The following STIM1 variants were observed in gnomAD, a reference collection of about 807,000 sequenced individuals.
STIM1 encodes the protein stromal interaction molecule 1.
In STIM1, 25 loss-of-function variants were observed where a neutral mutation model predicts 74.7. The ratio of observed to expected loss-of-function variants is 0.33; its 90% CI spans 0.24 to 0.47. The LOEUF is 0.47. Ranked by LOEUF, STIM1 falls within the 20% of genes least tolerant of loss-of-function variation. STIM1 has a pLI of 1.00. For missense variants in STIM1, 728 were observed against 920.8 expected, an observed-to-expected ratio of 0.79 and a Z score of 2.71; for synonymous variants, 328 against 348.8, an observed-to-expected ratio of 0.94 and a Z score of 0.66.
At chr11:3,899,424 A>C (rs1220141409) in intron 1 of STIM1, among the ~76,000 whole-genome samples, 1 of 152,112 alleles carries the variant, frequency 6.6e-6, no homozygotes, top group Non-Finnish European at 1.5e-5. Context: ...GGGCTGAGAC[A>C]ATGGGGTTTT....
chr11:3,879,864 T>C (rs2091436266), intron 1 of STIM1, among the ~76,000 whole-genome samples: 1 of 152,230 alleles, frequency 6.6e-6, no homozygotes, highest in East Asian at 1.9e-4. Flanking sequence ...AATGGTAAAG[T>C]AGCCCAGATA....
At chr11:3,894,756 T>C (rs1284291410) in intron 1 of STIM1, among the ~76,000 whole-genome samples, 2 of 152,146 alleles carry the variant, frequency 1.3e-5, no homozygotes, top group Admixed American at 6.5e-5. Flanking sequence ...TTCTTTTTTT[T>C]GAGACAGGGT....
intron 1 of STIM1, among the ~76,000 whole-genome samples, chr11:3,924,863 T>C (rs993793630): frequency 6.6e-6 from 1 of 152,188 alleles, no homozygotes; most frequent in Non-Finnish European, 1.5e-5. Flanking sequence ...ATGGAGGATA[T>C]TTCTTCTCTT....
intron 11 of STIM1, among the ~76,000 whole-genome samples, chr11:4,085,434 G>C (rs1301314002): frequency 6.6e-6 from 1 of 152,212 alleles, no homozygotes; most frequent in Non-Finnish European, 1.5e-5. Context: ...TAAGTTACTT[G>C]GTGCCCATGT....
chr11:3,877,523 A>G (rs1168843054), intron 1 of STIM1, among the ~76,000 whole-genome samples: 1 of 152,176 alleles, frequency 6.6e-6, no homozygotes, highest in South Asian at 2.1e-4. Context: ...AAATACCTCA[A>G]TAATTGTTAG....
chr11:3,920,781 C>CT lies in STIM1; in HGVS notation c.140-46760dup, dbSNP rs539182387. ...GGAGAGTAGTGCTACCCTGAAGTAT[C>CT]TTTTTTTTTTTATTTTTTTTAATTT... On this transcript the variant is annotated intron_variant, in intron 1 of 12. Transcript: ENST00000526596. Among the ~76,000 whole-genome samples the CT allele has an allele frequency of 4.7e-3, 694 of 146,872 alleles. 3 individuals carry two copies. The highest frequency in any genetic ancestry group is 0.015 in the African/African-American group (597 of 40,120).
chr11:3,902,064 G>T (rs896814196), intron 1 of STIM1, among the ~76,000 whole-genome samples: 1 of 152,170 alleles, frequency 6.6e-6, no homozygotes, highest in Non-Finnish European at 1.5e-5. Flanking sequence ...CAATGTGGCT[G>T]GCCCCCAACA....
At chr11:4,059,010 G>A (rs1229700806) in intron 4 of STIM1, 53 of 1,085,114 alleles carry the variant, frequency 4.9e-5, no homozygotes, top group Non-Finnish European at 6.3e-5. Flanking sequence ...TTAGTTGGGT[G>A]TGGGAATGGT....
At chr11:3,930,003 G>A (rs2092838033) in intron 1 of STIM1, among the ~76,000 whole-genome samples, 1 of 152,138 alleles carries the variant, frequency 6.6e-6, no homozygotes, top group Non-Finnish European at 1.5e-5. Context: ...TGGAAACAGG[G>A]CAATCTGCCC....
intron 1 of STIM1, among the ~76,000 whole-genome samples, chr11:3,895,352 T>G (rs371967047): frequency 3.9e-5 from 6 of 152,216 alleles, no homozygotes; most frequent in Non-Finnish European, 8.8e-5. Context: ...GAGATTGGTC[T>G]TCTTCCTTGA....
chr11:4,018,329 G>A (rs1301302869), intron 2 of STIM1, among the ~76,000 whole-genome samples: 22 of 150,184 alleles, frequency 1.5e-4, no homozygotes, highest in Non-Finnish European at 2.7e-4. Flanking sequence ...GCGGGCGCCT[G>A]TAGTCCCAGC....
chr11:4,023,824 G>A (rs762508161), intron 2 of STIM1, 49 bp from the exon 3 acceptor site: 25 of 1,468,154 alleles, frequency 1.7e-5, no homozygotes, highest in East Asian at 2.3e-5. Context: ...AGATCTTGAC[G>A]GGCTGACTCC....
At chr11:3,894,716 A>G (rs2092003689) in intron 1 of STIM1, among the ~76,000 whole-genome samples, 1 of 152,096 alleles carries the variant, frequency 6.6e-6, no homozygotes, top group Admixed American at 6.5e-5. Flanking sequence ...AATGAAGGGT[A>G]TCTTGTTTTT....
chr11:4,082,072 C>T lies in STIM1; in HGVS notation c.970-112C>T, dbSNP rs999876727. 1.6e-5 allele frequency: 19 copies of T among 1,180,010 alleles called. No individual in the cohort carries two copies. In the African/African-American group the frequency reaches 2.4e-4, roughly 15 times the overall value. The allele number at this position is 1,180,010 out of a possible 1,614,324, so 73.1% of individuals were successfully genotyped here. A position where few individuals can be genotyped will look rare whatever the true frequency, so the allele number is the denominator to read the frequency against. On this transcript the variant is annotated intron_variant, in intron 7 of 12. Coordinates refer to ENST00000526596, the MANE Select transcript of STIM1 (RefSeq NM_001382567.1). The stretch of plus-strand genomic sequence containing the variant: ...CGGAAAATAATCCTTACCTTTTCTC[C>T]TTCCTGGGAGAGTTGTAAAGCAGAT...
chr11:3,991,980 A>G (rs1322879310), intron 2 of STIM1, among the ~76,000 whole-genome samples: 2 of 149,602 alleles, frequency 1.3e-5, no homozygotes, highest in Non-Finnish European at 3.0e-5. Flanking sequence ...AAAGAAAAAA[A>G]AAAAAAATCT....
At chr11:3,861,319 C>T (rs1373676428) in intron 1 of STIM1, among the ~76,000 whole-genome samples, 1 of 151,746 alleles carries the variant, frequency 6.6e-6, no homozygotes, top group Non-Finnish European at 1.5e-5. Flanking sequence ...CTGCAAGCTC[C>T]ACCTCCCAGG....
At position 3,992,717 on chromosome 11, in the gene STIM1, AC is replaced by A. The variant is rs200745495; in HGVS notation, c.270+25039del. ...GTCAAATCCAAGGTCGTGATGACTT[AC>A]CCCTGTGTTTTCTTCTAAGAGTTTT... On this transcript the variant is annotated intron_variant, in intron 2 of 12. Coordinates refer to ENST00000526596, the MANE Select transcript of STIM1 (RefSeq NM_001382567.1). Among the ~76,000 whole-genome samples, 901 of 152,248 alleles carry A rather than the reference AC, an allele frequency of 5.9e-3. 13 individuals carry two copies. The highest frequency in any genetic ancestry group is 0.02 in the African/African-American group (827 of 41,546).
intron 1 of STIM1, among the ~76,000 whole-genome samples, chr11:3,879,068 G>A (rs371441094): frequency 6.6e-6 from 1 of 152,108 alleles, no homozygotes; most frequent in East Asian, 1.9e-4. Flanking sequence ...CAATTCTCCT[G>A]CCTCAGCCTC....
intron 1 of STIM1, among the ~76,000 whole-genome samples, chr11:3,869,170 C>T (rs947596256): frequency 7.2e-5 from 11 of 152,092 alleles, no homozygotes; most frequent in African/African-American, 9.7e-5. Context: ...GGGTTTTCAC[C>T]GTGTTAGCCA....
Sources: allele counts gnomAD v4.1 joint callset (sites outside exome capture counted in the v4.1 genomes callset), GRCh38; gene constraint gnomAD v4.1.1; transcripts MANE v1.5; gene names NCBI Gene and HGNC (gene_info 2026-07-23, HGNC 2026-07-21).